SEC16B: variants seen among roughly 807,000 people sequenced by gnomAD.
SEC16B encodes protein transport protein Sec16B.
In SEC16B, 115 loss-of-function variants were observed where a neutral mutation model predicts 141.8. That is an observed-to-expected ratio of 0.81 (90% CI 0.70 to 0.95). SEC16B has a LOEUF of 0.95. Ranked by LOEUF, SEC16B falls within the 40% of genes least tolerant of loss-of-function variation. SEC16B has a pLI of 0.00. For missense variants in SEC16B, 1,291 were observed against 1,312.3 expected, an observed-to-expected ratio of 0.98 and a Z score of 0.25; for synonymous variants, 493 against 492.5, an observed-to-expected ratio of 1.00 and a Z score of -0.01.
intron 5 of SEC16B, among the ~76,000 whole-genome samples, chr1:177,962,861 C>T (rs112455484): frequency 0.022 from 3,346 of 152,194 alleles, 69 homozygotes; most frequent in East Asian, 0.13. Context: ...AATCCCAGCA[C>T]TTTGGGAGGC....
chr1:177,966,794 C>A (rs972849964), intron 2 of SEC16B, among the ~76,000 whole-genome samples: 6 of 152,092 alleles, frequency 3.9e-5, no homozygotes. Context: ...AGGCTGGTCT[C>A]GAACTCCCAA....
At chr1:177,946,333 T>C (rs1342089522) in intron 14 of SEC16B, 87 bp downstream of exon 14, 2 of 979,698 alleles carry the variant, frequency 2.0e-6, no homozygotes, top group Non-Finnish European at 3.2e-6. Context: ...CATGAGAAAA[T>C]GAAAAATGGA....
At chr1:177,933,075 C>G (rs1487142266) in intron 22 of SEC16B, 139 bp downstream of exon 22, 1 of 718,338 alleles carries the variant, frequency 1.4e-6, no homozygotes, top group Non-Finnish European at 2.3e-6. Flanking sequence ...TCATTTCCCA[C>G]CATATCCCAT....
intron 12 of SEC16B, chr1:177,948,473 C>G (rs1018221719): frequency 1.5e-6 from 2 of 1,304,000 alleles, no homozygotes; most frequent in Non-Finnish European, 2.0e-6. Context: ...AGTCTAGTTC[C>G]TACTGCCACT....
At chr1:177,936,936 G>A (rs1274318798) in intron 19 of SEC16B, among the ~76,000 whole-genome samples, 2 of 152,194 alleles carry the variant, frequency 1.3e-5, no homozygotes, top group African/African-American at 4.8e-5. Flanking sequence ...TAGAAACTAT[G>A]TAATCATTTG....
chr1:177,958,113 G>T lies in SEC16B; in HGVS notation c.1365+19C>A, dbSNP rs752348993. On this transcript the variant is annotated intron_variant, in intron 10 of 25. Transcript: ENST00000308284. ...GTGATTGCTTTTTCAAAATAAGTAT[G>T]GGGGAAGGGCATACTTGCCTTCTTC... The T allele has an allele frequency of 1.4e-6, 2 of 1,451,290 alleles. No homozygotes were observed. The highest frequency in any genetic ancestry group is 1.6e-5 in the South Asian group (1 of 61,884). 89.9% of individuals were successfully genotyped at this position (1,451,290 alleles called of 1,614,324 possible).
intron 19 of SEC16B, 136 bp from the exon 20 acceptor site, chr1:177,936,501 C>T: frequency 8.2e-6 from 6 of 729,230 alleles, no homozygotes; most frequent in South Asian, 1.7e-5. Context: ...AAGCCAATCA[C>T]AGCAAATACA....
intron 10 of SEC16B, 66 bp downstream of exon 10, chr1:177,958,066 C>G: frequency 9.1e-7 from 1 of 1,098,474 alleles, no homozygotes; most frequent in Non-Finnish European, 1.2e-6. Flanking sequence ...ATTTGAGCAG[C>G]GGTGAGTGGT....
chr1:177,943,071 C>T lies in SEC16B; in HGVS notation c.1882-1031G>A, dbSNP rs190152402. Among the ~76,000 whole-genome samples, 802 of 152,214 alleles carry T rather than the reference C, an allele frequency of 5.3e-3. 12 individuals carry two copies. The highest frequency in any genetic ancestry group is 0.018 in the African/African-American group (747 of 41,524). On this transcript the variant is annotated intron_variant, in intron 15 of 25. Transcript: ENST00000308284. ...TTAATCATGCCTACCTCACAGGATTCGAAACAATACACAAGAAGAGTAATG... is the reference window on the plus strand; with the variant it reads ...TTAATCATGCCTACCTCACAGGATTTGAAACAATACACAAGAAGAGTAATG...
Position 177,940,692 on chromosome 1 carries a change from G to A in SEC16B, c.2045C>T (p.Ser682Leu). The A allele has an allele frequency of 6.2e-7, 1 of 1,613,620 alleles. No individual in the cohort carries two copies. Among genetic ancestry groups the A allele is most frequent in the Non-Finnish European group, 8.5e-7 (1 of 1,179,732 alleles). The change falls in exon 17 of 26, where the codon TCA becomes TTA. Residue 682 changes from serine to leucine, a missense_variant. Ser to Leu is a moderately radical substitution (Grantham distance 145, BLOSUM62 -2). Transcript: ENST00000308284. ...LIKLAEKLKL[S>L]DPLVLERRSG... ...GCGTCTTTCTAAAACCAGAGGATCTGACAGCTTCAGTTTCTCTGCTAGCTG... is the reference window on the plus strand; with the variant it reads ...GCGTCTTTCTAAAACCAGAGGATCTAACAGCTTCAGTTTCTCTGCTAGCTG...
In SEC16B at chr1:177,967,825, G is replaced by A. The variant is rs754435274; in HGVS notation, c.157C>T (p.Arg53Cys). Residue 53 changes from arginine to cysteine, a missense_variant, in exon 2 of 26, where the codon CGT (arginine) becomes TGT (cysteine). Arg to Cys is a radical substitution (Grantham distance 180). Around this residue, in one of 3 missense-constraint regions of SEC16B, gnomAD observed 681 missense variants for 675.5 expected, o/e 1.01. Transcript: ENST00000308284. ...TCCTGCTGTGGCTGGGGGCTCCCAC[G>A]GTTGTCTTGCCATTGGTGAAACCTC... Reference protein sequence around the residue: ...GERFHQWQDNRGSPQPQQEPR... With the variant: ...GERFHQWQDNCGSPQPQQEPR... The A allele has an allele frequency of 1.2e-5, 20 of 1,613,850 alleles. No individual in the cohort carries two copies. In the East Asian group the frequency reaches 1.3e-4, roughly 11 times the overall value.
At chr1:177,958,395 C>T in intron 9 of SEC16B, 33 bp from the exon 10 acceptor site, 1 of 1,490,536 alleles carries the variant, frequency 6.7e-7, no homozygotes. Context: ...TGGGGAGAAT[C>T]CTATGAGTCC....
At chr1:177,955,919 T>C (rs866376227) in intron 10 of SEC16B, among the ~76,000 whole-genome samples, 1 of 152,252 alleles carries the variant, frequency 6.6e-6, no homozygotes, top group Non-Finnish European at 1.5e-5. Context: ...GTACTCTTAA[T>C]GTCAAGCTAT....
intron 15 of SEC16B, 142 bp from the exon 16 acceptor site, chr1:177,942,182 A>G (rs1651328427): frequency 1.1e-6 from 1 of 919,438 alleles, no homozygotes; most frequent in Non-Finnish European, 1.6e-6. Flanking sequence ...TGCCATTTGG[A>G]GCATTTTATC....
intron 4 of SEC16B, among the ~76,000 whole-genome samples, chr1:177,964,586 C>T (rs1653357124): frequency 6.6e-6 from 1 of 152,186 alleles, no homozygotes; most frequent in African/African-American, 2.4e-5. Flanking sequence ...AATTCCACAG[C>T]TGCAAGCACC....
chr1:177,979,971 G>A (rs1286905535), intron 1 of SEC16B, among the ~76,000 whole-genome samples: 1 of 152,152 alleles, frequency 6.6e-6, no homozygotes, highest in Non-Finnish European at 1.5e-5. Context: ...TTTGGGTGGG[G>A]ACACAGCCAA....
At chr1:177,938,635 A>G (rs1157781080) in intron 18 of SEC16B, among the ~76,000 whole-genome samples, 1 of 152,170 alleles carries the variant, frequency 6.6e-6, no homozygotes, top group African/African-American at 2.4e-5. Flanking sequence ...TTTTAAGTTA[A>G]CACTGCCTTG....
At chr1:177,952,907 G>T (rs1228304961) in intron 11 of SEC16B, among the ~76,000 whole-genome samples, 2 of 152,132 alleles carry the variant, frequency 1.3e-5, no homozygotes, top group African/African-American at 4.8e-5. Flanking sequence ...ACTGAGGGGT[G>T]GAGTCGTCAT....
intron 1 of SEC16B, among the ~76,000 whole-genome samples, chr1:177,975,529 A>G (rs1654138175): frequency 6.6e-6 from 1 of 152,164 alleles, no homozygotes; most frequent in Non-Finnish European, 1.5e-5. Context: ...ACAGACACAA[A>G]TTATCTGCAT....
Sources: gnomAD v4.1 joint callset for allele counts (sites outside exome capture counted in the v4.1 genomes callset) on GRCh38, gnomAD v4.1.1 for gene constraint, gnomAD v4.1.1 regional missense constraint, MANE v1.5 for transcripts, NCBI Gene and HGNC (gene_info 2026-07-23, HGNC 2026-07-21) for gene names.